Variants in TRAF3IP3 observed in about 807,000 individuals in gnomAD.
The protein encoded by TRAF3IP3 is TRAF3 interacting protein 3.
In TRAF3IP3, 64 loss-of-function variants were observed where a neutral mutation model predicts 86.5. The ratio of observed to expected loss-of-function variants is 0.74; its 90% CI spans 0.60 to 0.91. TRAF3IP3 has a LOEUF of 0.91. Ranked by LOEUF, TRAF3IP3 falls within the 40% of genes least tolerant of loss-of-function variation. TRAF3IP3 has a pLI of 0.00. For synonymous variants in TRAF3IP3, 220 were observed against 243.9 expected (o/e 0.90, Z 0.91); for missense variants, 579 against 642.9 (o/e 0.90, Z 1.07).
intron 12 of TRAF3IP3, chr1:209,777,867 G>A (rs1357813370): frequency 1.8e-6 from 1 of 555,588 alleles, no homozygotes; most frequent in Non-Finnish European, 3.2e-6. Context: ...TCCGCTGATA[G>A]AGAGGACTAG....
At chr1:209,760,876 A>G (rs2077234536) in intron 3 of TRAF3IP3, among the ~76,000 whole-genome samples, 1 of 152,154 alleles carries the variant, frequency 6.6e-6, no homozygotes, top group Non-Finnish European at 1.5e-5. Context: ...TGAAGCTGCA[A>G]TAAGCTATGA....
chr1:209,775,857 C>T, intron 11 of TRAF3IP3, 121 bp downstream of exon 11: 1 of 894,316 alleles, frequency 1.1e-6, no homozygotes. Flanking sequence ...TTCAGTTCCT[C>T]AGTCACCACT....
chr1:209,780,664 G>A, intron 15 of TRAF3IP3, 58 bp downstream of exon 15: 1 of 1,429,960 alleles, frequency 7.0e-7, no homozygotes, highest in South Asian at 1.5e-5. Context: ...AGAAACCTGG[G>A]AGGCAGTCAA....
chr1:209,770,836 T>C (rs1190608478), intron 8 of TRAF3IP3, among the ~76,000 whole-genome samples: 1 of 114,184 alleles, frequency 8.8e-6, no homozygotes, highest in Admixed American at 9.3e-5. Context: ...TGTGTCTATA[T>C]AGAAGTGTGT....
intron 14 of TRAF3IP3, 37 bp from the exon 15 acceptor site, chr1:209,780,433 G>A (rs2077750965): frequency 6.6e-7 from 1 of 1,511,018 alleles, no homozygotes; most frequent in African/African-American, 1.4e-5. Flanking sequence ...CAGAGGTGTG[G>A]GCCTCACTGT....
intron 6 of TRAF3IP3, 134 bp downstream of exon 6, chr1:209,763,226 A>AG: frequency 7.3e-7 from 1 of 1,364,218 alleles, no homozygotes; most frequent in Non-Finnish European, 1.0e-6. Context: ...GAGCATAGAC[A>AG]TGGGGACTAA....
At chr1:209,773,695 G>A (rs1228040754) in intron 9 of TRAF3IP3, among the ~76,000 whole-genome samples, 1 of 152,234 alleles carries the variant, frequency 6.6e-6, no homozygotes, top group East Asian at 1.9e-4. Flanking sequence ...TGGCCACATT[G>A]ATGGCGTCTT....
At chr1:209,762,727 C>A in intron 4 of TRAF3IP3, 65 bp downstream of exon 4, 1 of 1,559,878 alleles carries the variant, frequency 6.4e-7, no homozygotes, top group South Asian at 1.1e-5. Flanking sequence ...TGTCCCAGCT[C>A]ACTGGCAATG....
rs368347080 is a variant in TRAF3IP3, at chr1:209,763,106, C to A, written c.576+14C>A. On this transcript the variant is annotated intron_variant, in intron 6 of 16. Coordinates refer to ENST00000367025, the MANE Select transcript of TRAF3IP3 (RefSeq NM_025228.4). ...GTTCTGGATAAGGTAAGCACATATTCACTTTGAAGGGGTCAAATCAGAAAG... is the reference window on the plus strand; with the variant it reads ...GTTCTGGATAAGGTAAGCACATATTAACTTTGAAGGGGTCAAATCAGAAAG... The A allele has an allele frequency of 5.6e-6, 9 of 1,611,956 alleles. No homozygotes were observed. In the African/African-American group the frequency reaches 1.2e-4, roughly 22 times the overall value.
Position 209,760,017 on chromosome 1 carries a change from G to A in TRAF3IP3, c.-23G>A, listed in dbSNP as rs760392626. 64 of 1,579,900 alleles carry A rather than the reference G, an allele frequency of 4.1e-5. No homozygotes were observed. Among genetic ancestry groups the A allele is most frequent in the South Asian group, 3.9e-4 (35 of 90,300 alleles). On this transcript the variant is annotated 5_prime_UTR_variant, in exon 3 of 17. Transcript: ENST00000367025. The stretch of plus-strand genomic sequence containing the variant: ...CTATTCCAGGAACTGGAAGCCAAGC[G>A]CAACAGGTGCTTGGAGGTCATCATG...
chr1:209,771,687 GTGTGTGCAGGTGGAGGTGTA>G (rs1243212917), intron 8 of TRAF3IP3, among the ~76,000 whole-genome samples: 14 of 148,886 alleles, frequency 9.4e-5, no homozygotes, highest in Middle Eastern at 3.6e-3. Flanking sequence ...GTGGAGGTAC[GTGTGTGCAGGTGGAGGTGTA>G]TGTGTGCAGG....
chr1:209,774,240 T>G (rs1464051677), intron 9 of TRAF3IP3, among the ~76,000 whole-genome samples: 1 of 152,266 alleles, frequency 6.6e-6, no homozygotes, highest in Non-Finnish European at 1.5e-5. Context: ...GGAGGAATTT[T>G]ATAATGCAAA....
intron 8 of TRAF3IP3, chr1:209,768,246 C>A (rs1360472471): frequency 1.0e-6 from 1 of 985,260 alleles, no homozygotes; most frequent in African/African-American, 1.7e-5. Context: ...TGAGAACTTA[C>A]CACAAACTCC....
intron 6 of TRAF3IP3, 50 bp downstream of exon 6, chr1:209,763,142 T>C (rs761573945): frequency 1.3e-6 from 2 of 1,586,200 alleles, no homozygotes; most frequent in Non-Finnish European, 1.7e-6. Flanking sequence ...TATTAAGCTC[T>C]GACATTCTGG....
intron 14 of TRAF3IP3, chr1:209,779,613 CAT>C (rs1571966796): frequency 7.8e-6 from 5 of 642,332 alleles, no homozygotes; most frequent in East Asian, 5.5e-5. Flanking sequence ...TCTGAAAGCA[CAT>C]GTCTGTGTTG....
chr1:209,764,042 T>A (rs2077294792), intron 8 of TRAF3IP3, among the ~76,000 whole-genome samples: 2 of 152,222 alleles, frequency 1.3e-5, no homozygotes, highest in African/African-American at 4.8e-5. Flanking sequence ...ACTCTCATTT[T>A]GCCCATGAGG....
chr1:209,770,861 G>C (rs1343662751), intron 8 of TRAF3IP3, among the ~76,000 whole-genome samples: 1 of 146,564 alleles, frequency 6.8e-6, no homozygotes, highest in African/African-American at 2.5e-5. Context: ...GCATGTGAAA[G>C]TGTGTGTGTG....
chr1:209,781,802 T>A (rs2077786951), intron 16 of TRAF3IP3: 1 of 522,174 alleles, frequency 1.9e-6, no homozygotes, highest in African/African-American at 1.9e-5. Context: ...CTGGGTTATT[T>A]TCCACCCTTC....
At chr1:209,770,474 TGTGTGCATGTGGAAGTGTGC>T (rs2077448759) in intron 8 of TRAF3IP3, among the ~76,000 whole-genome samples, 1 of 140,242 alleles carries the variant, frequency 7.1e-6, no homozygotes, top group African/African-American at 2.8e-5. Flanking sequence ...TGGAGGTGTG[TGTGTGCATGTGGAAGTGTGC>T]GTGTGCATGT....
Sources: gnomAD v4.1 joint callset for allele counts (sites outside exome capture counted in the v4.1 genomes callset) on GRCh38, gnomAD v4.1.1 for gene constraint, MANE v1.5 for transcripts, NCBI Gene and HGNC (gene_info 2026-07-23, HGNC 2026-07-21) for gene names.